Variants in OPRM1 observed in about 807,000 individuals in gnomAD.
OPRM1 encodes opioid receptor mu 1.
In OPRM1, 27 loss-of-function variants were observed where a neutral mutation model predicts 31.8. The ratio of observed to expected loss-of-function variants is 0.85; its 90% CI spans 0.63 to 1.17. OPRM1 has a LOEUF of 1.17. Ranked by LOEUF, OPRM1 falls within the 50% of genes most tolerant of loss-of-function variation. The pLI is 0.00. For missense variants in OPRM1, 536 were observed against 511.1 expected, an observed-to-expected ratio of 1.05 and a Z score of -0.47; for synonymous variants, 196 against 189.9, an observed-to-expected ratio of 1.03 and a Z score of -0.26.
rs1168629775 is a variant in OPRM1, at chr6:154,132,334, ATAAAACC to A, written c.*13620_*13626del. On this transcript the variant is annotated 3_prime_UTR_variant, in exon 4 of 4. Transcript: ENST00000330432. Reference sequence around the variant, plus strand: ...TGTAATGTGTAATTATATGTGATAAATAAAACCTAAAACTGATACAAATCTAGATTTT... The same window carrying A: ...TGTAATGTGTAATTATATGTGATAAATAAAACTGATACAAATCTAGATTTT... Among the ~76,000 whole-genome samples, 6 of 152,218 alleles carry A rather than the reference ATAAAACC, an allele frequency of 3.9e-5. No homozygotes were observed. Among genetic ancestry groups the A allele is most frequent in the Admixed American group, 2.6e-4 (4 of 15,282 alleles).
chr6:154,055,471 T>A (rs1783086061), intron 1 of OPRM1, among the ~76,000 whole-genome samples: 1 of 152,018 alleles, frequency 6.6e-6, no homozygotes, highest in African/African-American at 2.4e-5. Flanking sequence ...CCCACTGCAC[T>A]CACACCATCA....
chr6:154,180,313 CAG>C (rs1800723804), intron 3 of OPRM1, among the ~76,000 whole-genome samples: 1 of 150,676 alleles, frequency 6.6e-6, no homozygotes. Flanking sequence ...AAACTTAGGT[CAG>C]CTACCTAACT....
intron 3 of OPRM1, among the ~76,000 whole-genome samples, chr6:154,203,210 T>C (rs1777213592): frequency 6.6e-6 from 1 of 152,062 alleles, no homozygotes; most frequent in Non-Finnish European, 1.5e-5. Flanking sequence ...AGTGCTAGTC[T>C]CTCCTCTCCG....
intron 3 of OPRM1, chr6:154,199,920 G>T (rs1255044768): frequency 6.2e-7 from 1 of 1,614,084 alleles, no homozygotes; most frequent in East Asian, 2.2e-5. Flanking sequence ...GGCAAGGATT[G>T]TCTCTCTTTA....
intron 3 of OPRM1, among the ~76,000 whole-genome samples, chr6:154,186,703 C>G (rs986218070): frequency 6.6e-6 from 1 of 152,038 alleles, no homozygotes; most frequent in African/African-American, 2.4e-5. Context: ...ACTACAGGCG[C>G]CCGCCATCAC....
chr6:154,072,640 T>C (rs749453011), intron 1 of OPRM1, among the ~76,000 whole-genome samples: 1 of 152,228 alleles, frequency 6.6e-6, no homozygotes, highest in Admixed American at 6.5e-5. Flanking sequence ...CATACATTAG[T>C]TTATGAAAAT....
At chr6:154,076,099 A>G (rs1787839986) in intron 1 of OPRM1, among the ~76,000 whole-genome samples, 1 of 152,200 alleles carries the variant, frequency 6.6e-6, no homozygotes, top group Non-Finnish European at 1.5e-5. Flanking sequence ...TGTATTGTGT[A>G]TTTATACAGT....
chr6:154,242,201 G>A (rs1197927004), intron 3 of OPRM1, among the ~76,000 whole-genome samples: 1 of 152,130 alleles, frequency 6.6e-6, no homozygotes, highest in Non-Finnish European at 1.5e-5. Context: ...ACTTCTCAAA[G>A]ATCCTAATAA....
intron 3 of OPRM1, among the ~76,000 whole-genome samples, chr6:154,161,863 C>T (rs1199179322): frequency 6.6e-6 from 1 of 152,206 alleles, no homozygotes; most frequent in African/African-American, 2.4e-5. Context: ...TTCACAACCA[C>T]TGCCAGTAAG....
intron 3 of OPRM1, among the ~76,000 whole-genome samples, chr6:154,116,566 C>T (rs1796896762): frequency 7.4e-6 from 1 of 135,094 alleles, no homozygotes; most frequent in Non-Finnish European, 1.5e-5. Flanking sequence ...GCCTGGGTGA[C>T]AGAACGAGAC....
intron 1 of OPRM1, among the ~76,000 whole-genome samples, chr6:154,041,262 G>A (rs1432256706): frequency 6.6e-6 from 1 of 152,126 alleles, no homozygotes; most frequent in Non-Finnish European, 1.5e-5. Context: ...TAAGAAAAGA[G>A]CACCATCTAT....
At chr6:154,082,982 AAT>A (rs1363694868) in intron 1 of OPRM1, among the ~76,000 whole-genome samples, 2 of 152,230 alleles carry the variant, frequency 1.3e-5, no homozygotes, top group Non-Finnish European at 2.9e-5. Flanking sequence ...AGAATACAGA[AAT>A]CAGAGAAGCA....
At chr6:154,231,320 T>G (rs539897262) in intron 3 of OPRM1, among the ~76,000 whole-genome samples, 1 of 152,288 alleles carries the variant, frequency 6.6e-6, no homozygotes, top group South Asian at 2.1e-4. Flanking sequence ...TAATGCAAAA[T>G]GGAACTCAAC....
At chr6:154,136,499 C>T (rs1798062754), downstream of OPRM1, among the ~76,000 whole-genome samples, 1 of 152,122 alleles carries the variant, frequency 6.6e-6, no homozygotes, top group African/African-American at 2.4e-5. Context: ...CTAAGTGATT[C>T]TGTAGACTGA....
chr6:154,082,686 A>G (rs1305715995), intron 1 of OPRM1, among the ~76,000 whole-genome samples: 1 of 152,196 alleles, frequency 6.6e-6, no homozygotes, highest in African/African-American at 2.4e-5. Context: ...CTTTCCCCTT[A>G]GAAGTTATAA....
intron 1 of OPRM1, chr6:154,046,667 T>C (rs1049664751): frequency 4.6e-5 from 7 of 152,264 alleles, no homozygotes; most frequent in East Asian, 1.9e-4. Context: ...TCAGGTAACT[T>C]TTTTTCTTTC....
chr6:154,233,988 C>G (rs118182502), intron 3 of OPRM1, among the ~76,000 whole-genome samples: 2 of 152,288 alleles, frequency 1.3e-5, no homozygotes, highest in East Asian at 3.9e-4. Context: ...GCAGAAGGAT[C>G]TCTTGAGGCT....
intron 3 of OPRM1, chr6:154,246,580 A>G (rs181045746): frequency 6.2e-7 from 1 of 1,605,646 alleles, no homozygotes; most frequent in East Asian, 2.2e-5. Flanking sequence ...GGAGGAAGAA[A>G]GCAGACTCAC....
chr6:154,086,423 CT>C lies in OPRM1; in HGVS notation c.291-3395del, dbSNP rs200072913. 3.9e-3 allele frequency: 1,064 copies of C among 272,078 alleles called. 10 individuals are homozygous for C. Among genetic ancestry groups the C allele is most frequent in the African/African-American group, 0.022 (939 of 43,412 alleles). The allele number at this position is 272,078 out of a possible 1,614,324, so 16.9% of individuals were successfully genotyped here. A position where few individuals can be genotyped will look rare whatever the true frequency, so the allele number is the denominator to read the frequency against. The stretch of plus-strand genomic sequence containing the variant: ...AAGAATTTTTATAGATAAATATTCA[CT>C]TTTTTTTGGTAAATTGATGATAAAA... On this transcript the variant is annotated intron_variant, in intron 1 of 3. Coordinates refer to ENST00000330432, the MANE Select transcript of OPRM1 (RefSeq NM_000914.5).
Sources: gnomAD v4.1 joint callset for allele counts (sites outside exome capture counted in the v4.1 genomes callset) on GRCh38, gnomAD v4.1.1 for gene constraint, MANE v1.5 for transcripts, NCBI Gene and HGNC (gene_info 2026-07-23, HGNC 2026-07-21) for gene names.